ASCL3: variants seen among roughly 807,000 people sequenced by gnomAD.
The protein encoded by ASCL3 is achaete-scute family bHLH transcription factor 3.
In ASCL3, 1 loss-of-function variant was observed where a neutral mutation model predicts 2.3. The ratio of observed to expected loss-of-function variants is 0.44; its 90% CI spans 0.16 to 2.10. The LOEUF (loss-of-function observed/expected upper bound fraction) is 2.10. Ranked by LOEUF, ASCL3 falls within the 30% of genes most tolerant of loss-of-function variation. The pLI, the probability that ASCL3 is intolerant of heterozygous loss-of-function variation, is 0.28. For synonymous variants in ASCL3, 98 were observed against 88.5 expected (o/e 1.11, Z -0.60); for missense variants, 243 against 229.0 (o/e 1.06, Z -0.40).
At chr11:8,938,815 T>C (rs1213004671) in intron 1 of ASCL3, among the ~76,000 whole-genome samples, 1 of 151,380 alleles carries the variant, frequency 6.6e-6, no homozygotes, top group Non-Finnish European at 1.5e-5. Flanking sequence ...TTTTTTTTTT[T>C]TTCCTTTGAG....
chr11:8,937,885 C>T lies in ASCL3; in HGVS notation c.277G>A (p.Ala93Thr), dbSNP rs2064687446. The change falls in exon 2 of 2, where the codon GCC (alanine) becomes ACC (threonine). Residue 93 changes from alanine to threonine, a missense_variant. Coordinates refer to ENST00000531618, the MANE Select transcript of ASCL3 (RefSeq NM_020646.3). ...YRGCEYSYGPAFTRKRNERER... is the reference protein window; with the variant it reads ...YRGCEYSYGPTFTRKRNERER... ...CGCTCATTCCTTTTCCGGGTGAAGG[C>T]TGGCCCGTAGGAGTACTCGCACCCT... is the stretch of plus-strand genomic sequence containing the variant. The T allele has an allele frequency of 6.2e-7, 1 of 1,614,132 alleles. No homozygotes were observed. The highest frequency in any genetic ancestry group is 8.5e-7 in the Non-Finnish European group (1 of 1,180,028).
At chr11:8,939,968 T>TA (rs1341623580) in intron 1 of ASCL3, among the ~76,000 whole-genome samples, 3 of 152,068 alleles carry the variant, frequency 2.0e-5, no homozygotes, top group African/African-American at 7.2e-5. Context: ...TTTTAAATTT[T>TA]TTTATTTATT....
Position 8,937,945 on chromosome 11 carries a change from G to A in ASCL3, c.217C>T (p.Pro73Ser), listed in dbSNP as rs371065334. The A allele has an allele frequency of 6.2e-7, 1 of 1,614,030 alleles. No homozygotes were observed. Among genetic ancestry groups the A allele is most frequent in the Non-Finnish European group, 8.5e-7 (1 of 1,179,944 alleles). The change falls in exon 2 of 2, where the codon CCC becomes TCC. Residue 73 changes from proline to serine, a missense_variant. Physicochemically the swap from Pro to Ser is moderately conservative, Grantham distance 74. Coordinates refer to ENST00000531618, the MANE Select transcript of ASCL3 (RefSeq NM_020646.3). Reference protein sequence around the residue: ...LILGNYSEPCPFSFPMPYPNY... With the variant: ...LILGNYSEPCSFSFPMPYPNY... ...GGATAAGGCATCGGGAAAGAGAAGG[G>A]GCAGGGTTCACTGTAATTTCCCAGG...
chr11:8,938,611 T>C (rs1396135630), intron 1 of ASCL3, among the ~76,000 whole-genome samples: 11 of 152,004 alleles, frequency 7.2e-5, no homozygotes, highest in Non-Finnish European at 1.6e-4. Flanking sequence ...ATGTGGACAA[T>C]GAGATGGTGT....
chr11:8,941,699 C>A (rs1176330955), intron 1 of ASCL3, among the ~76,000 whole-genome samples: 1 of 152,096 alleles, frequency 6.6e-6, no homozygotes, highest in Non-Finnish European at 1.5e-5. Flanking sequence ...AACAGAGGAA[C>A]AGGAAATGAA....
intron 1 of ASCL3, among the ~76,000 whole-genome samples, chr11:8,941,310 T>C (rs998590218): frequency 1.3e-5 from 2 of 149,512 alleles, no homozygotes; most frequent in Non-Finnish European, 3.0e-5. Context: ...GGGGTTATTA[T>C]CTGTGCTTGG....
In ASCL3 at chr11:8,937,643, A is replaced by G. The variant is rs2064685396; in HGVS notation, c.519T>C (p.His173=). Residue 173 remains histidine, a synonymous_variant, in exon 2 of 2, where the codon CAT becomes CAC. Coordinates refer to ENST00000531618, the MANE Select transcript of ASCL3 (RefSeq NM_020646.3). ...AAACAATTCTGAACATAGGGTCAGC[A>G]TGGTGGCTGGTGGTTGCTATCATGG... ...VSSMIATTSH[H]ADPMFRIV 1 of 1,613,972 alleles carries G rather than the reference A, an allele frequency of 6.2e-7. No homozygotes were observed. Among genetic ancestry groups the G allele is most frequent in the Non-Finnish European group, 8.5e-7 (1 of 1,179,916 alleles).
At chr11:8,940,397 C>G (rs1037636482) in intron 1 of ASCL3, among the ~76,000 whole-genome samples, 1 of 152,152 alleles carries the variant, frequency 6.6e-6, no homozygotes, top group Non-Finnish European at 1.5e-5. Context: ...CTGTTTTAAA[C>G]TACTGTTACT....
chr11:8,939,326 C>T lies in ASCL3; in HGVS notation c.-12-1153G>A, dbSNP rs183307368. 1.3e-4 allele frequency among the ~76,000 whole-genome samples: 20 copies of T among 151,668 alleles called. No homozygotes were observed. The East Asian group carries it at 3.7e-3, about 28-fold the overall frequency. ...CGATCTCGGCTCACTGCAACCTCTG[C>T]CCCCCCGGGTTCAAGTGATTCTCCT... is the stretch of plus-strand genomic sequence containing the variant. On this transcript the variant is annotated intron_variant, in intron 1 of 1. Coordinates refer to ENST00000531618, the MANE Select transcript of ASCL3 (RefSeq NM_020646.3).
chr11:8,938,270 G>A, intron 1 of ASCL3, 97 bp from the exon 2 acceptor site: 4 of 1,161,150 alleles, frequency 3.4e-6, no homozygotes, highest in Middle Eastern at 3.0e-4. Flanking sequence ...TATTTTTCGA[G>A]ATGGAGTCTG....
Position 8,938,066 on chromosome 11 carries a change from C to A in ASCL3, c.96G>T (p.Glu32Asp). The A allele has an allele frequency of 6.2e-7, 1 of 1,613,966 alleles. No homozygotes were observed. Among genetic ancestry groups the A allele is most frequent in the Non-Finnish European group, 8.5e-7 (1 of 1,179,962 alleles). ...GGTGCACGTGGAAAGTGACCATGGGCTCCAGATAGAAGGACCTGGTCAGTG... is the reference window on the plus strand; with the variant it reads ...GGTGCACGTGGAAAGTGACCATGGGATCCAGATAGAAGGACCTGGTCAGTG... The part of the protein sequence containing the change: ...RLPLTRSFYL[E>D]PMVTFHVHPE... Residue 32 changes from glutamate to aspartate, a missense_variant, in exon 2 of 2, where the codon GAG (glutamate) becomes GAT (aspartate). Glu to Asp is a conservative substitution (Grantham distance 45, BLOSUM62 2). Transcript: ENST00000531618.
At chr11:8,942,476 C>T (rs533354630) in intron 1 of ASCL3, among the ~76,000 whole-genome samples, 1 of 152,240 alleles carries the variant, frequency 6.6e-6, no homozygotes, top group African/African-American at 2.4e-5. Context: ...AGCTAACAAA[C>T]ACACCTATGT....
rs1215056184 is a variant in ASCL3, at chr11:8,937,622, A to G, written c.540T>C (p.Ile180=). The part of the protein sequence containing the change: ...TSHHADPMFR[I]V ...TCTATTTGGAAACAGCAACTCAAAC[A>G]ATTCTGAACATAGGGTCAGCATGGT... Residue 180 remains isoleucine, a synonymous_variant, in exon 2 of 2, where the codon ATT becomes ATC. Transcript: ENST00000531618. 1 of 1,603,054 alleles carries G rather than the reference A, an allele frequency of 6.2e-7. No individual in the cohort carries two copies. The highest frequency in any genetic ancestry group is 8.5e-7 in the Non-Finnish European group (1 of 1,173,564).
chr11:8,937,854 C>A lies in ASCL3; in HGVS notation c.308G>T (p.Arg103Met). ...TTCATTGACACATTTCACCCGCTGC[C>A]TTTCCCGCTCATTCCTTTTCCGGGT... ...AFTRKRNERE[R>M]QRVKCVNEGY... is the part of the protein sequence containing the mutation. Residue 103 changes from arginine (R) to methionine (M), a missense_variant, in exon 2 of 2, where the codon AGG (arginine) becomes ATG (methionine). Physicochemically the swap from Arg to Met is moderately conservative, Grantham distance 91 (BLOSUM62 -1). Coordinates refer to ENST00000531618, the MANE Select transcript of ASCL3 (RefSeq NM_020646.3). 6.2e-7 allele frequency: 1 copy of A among 1,614,154 alleles called. No homozygotes were observed. Among genetic ancestry groups the A allele is most frequent in the Non-Finnish European group, 8.5e-7 (1 of 1,180,002 alleles).
At chr11:8,941,827 G>C (rs1853700063) in intron 1 of ASCL3, among the ~76,000 whole-genome samples, 1 of 152,134 alleles carries the variant, frequency 6.6e-6, no homozygotes, top group Admixed American at 6.5e-5. Context: ...AAACAAGTTA[G>C]GAAATTCCCA....
In ASCL3 at chr11:8,937,884, G is replaced by T. The variant is rs746400903; in HGVS notation, c.278C>A (p.Ala93Asp). Residue 93 changes from alanine to aspartate, a missense_variant, in exon 2 of 2, where the codon GCC becomes GAC. Ala to Asp is a moderately radical substitution (Grantham distance 126, BLOSUM62 -2). Coordinates refer to ENST00000531618, the MANE Select transcript of ASCL3 (RefSeq NM_020646.3). ...YRGCEYSYGP[A>D]FTRKRNERER... is the part of the protein sequence containing the mutation. ...CCGCTCATTCCTTTTCCGGGTGAAGGCTGGCCCGTAGGAGTACTCGCACCC... is the reference window on the plus strand; with the variant it reads ...CCGCTCATTCCTTTTCCGGGTGAAGTCTGGCCCGTAGGAGTACTCGCACCC... 10 of 1,614,144 alleles carry T rather than the reference G, an allele frequency of 6.2e-6. No homozygotes were observed. The highest frequency in any genetic ancestry group is 2.5e-6 in the Non-Finnish European group (3 of 1,180,020).
At position 8,938,180 on chromosome 11, in the gene ASCL3, A is replaced by G; in HGVS notation, c.-12-7T>C. The stretch of plus-strand genomic sequence containing the variant: ...CCATCATTTCCTCTTTAACCTGCAA[A>G]CATAACCAAGTTTAACAATGTGGTC... On this transcript the variant is annotated splice_polypyrimidine_tract_variant and splice_region_variant and intron_variant, in intron 1 of 1. Transcript: ENST00000531618. The G allele has an allele frequency of 6.4e-7, 1 of 1,562,910 alleles. No individual in the cohort carries two copies. Among genetic ancestry groups the G allele is most frequent in the Non-Finnish European group, 8.7e-7 (1 of 1,153,112 alleles).
chr11:8,941,051 T>G (rs1235748031), intron 1 of ASCL3, among the ~76,000 whole-genome samples: 1 of 152,112 alleles, frequency 6.6e-6, no homozygotes, highest in African/African-American at 2.4e-5. Flanking sequence ...TTCCTTTCTT[T>G]AGAGATGAAT....
chr11:8,937,776 A>G lies in ASCL3; in HGVS notation c.386T>C (p.Leu129Pro), dbSNP rs2064686144. 3.1e-6 allele frequency: 5 copies of G among 1,614,052 alleles called. No individual in the cohort carries two copies. The highest frequency in any genetic ancestry group is 4.2e-6 in the Non-Finnish European group (5 of 1,179,990). The change falls in exon 2 of 2, where the codon CTC (leucine) becomes CCC (proline). Residue 129 changes from leucine to proline, a missense_variant. Leu to Pro is a moderately conservative substitution (Grantham distance 98). Transcript: ENST00000531618. ...HLPEEYLEKR[L>P]SKVETLRAAI... Reference sequence around the variant, plus strand: ...AGCTCTGAGGGTTTCCACTTTGCTGAGTCGCTTCTCCAAATACTCCTCTGG... The same window carrying G: ...AGCTCTGAGGGTTTCCACTTTGCTGGGTCGCTTCTCCAAATACTCCTCTGG...
Sources: allele counts gnomAD v4.1 joint callset (sites outside exome capture counted in the v4.1 genomes callset), GRCh38; gene constraint gnomAD v4.1.1; transcripts MANE v1.5; gene names NCBI Gene and HGNC (gene_info 2026-07-23, HGNC 2026-07-21).